PINX1: variants seen among roughly 807,000 people sequenced by gnomAD.
PINX1 encodes the protein PIN2 (TERF1) interacting telomerase inhibitor 1.
A neutral mutation model predicts 25.4 loss-of-function variants in PINX1; 34 were observed. That is an observed-to-expected ratio of 1.34 (90% CI 1.02 to 1.78). The LOEUF (loss-of-function observed/expected upper bound fraction) is 1.78. Among genes scored for constraint, PINX1 ranks in the 40% most tolerant of loss-of-function variants. PINX1 has a pLI of 0.00. For missense variants in PINX1, 592 were observed against 404.9 expected, an observed-to-expected ratio of 1.46 and a Z score of -3.97; for synonymous variants, 197 against 147.7, an observed-to-expected ratio of 1.33 and a Z score of -2.42.
intron 6 of PINX1, 37 bp downstream of exon 6, chr8:10,820,156 T>G (rs1269272817): frequency 7.7e-7 from 1 of 1,298,680 alleles, no homozygotes. Flanking sequence ...TCAGACAGTA[T>G]TAAAGCGGAA....
chr8:10,820,381 C>A, intron 5 of PINX1, 112 bp from the exon 6 acceptor site: 1 of 749,944 alleles, frequency 1.3e-6, no homozygotes, highest in Admixed American at 2.0e-5. Context: ...AAGAAAGAAA[C>A]AATTTTGAAA....
chr8:10,804,751 G>A (rs12545088), intron 6 of PINX1, among the ~76,000 whole-genome samples: 34,243 of 148,098 alleles, frequency 0.23, 4,015 homozygotes, highest in East Asian at 0.33. Flanking sequence ...AATGTCAAAA[G>A]AAAAAAAAAG....
At chr8:10,786,369 C>A (rs1288125388) in intron 6 of PINX1, among the ~76,000 whole-genome samples, 3 of 152,190 alleles carry the variant, frequency 2.0e-5, no homozygotes, top group African/African-American at 7.2e-5. Context: ...GCGTGGCTGT[C>A]TTGGTAAACA....
At chr8:10,797,136 A>G (rs1802109244) in intron 6 of PINX1, among the ~76,000 whole-genome samples, 1 of 152,034 alleles carries the variant, frequency 6.6e-6, no homozygotes, top group Non-Finnish European at 1.5e-5. Flanking sequence ...CCGTGGAGGG[A>G]GAAGGGCCTG....
At chr8:10,804,177 G>A (rs572321786) in intron 6 of PINX1, among the ~76,000 whole-genome samples, 4 of 152,308 alleles carry the variant, frequency 2.6e-5, no homozygotes, top group Admixed American at 6.5e-5. Flanking sequence ...TCAGACCAAC[G>A]CAGAGCGCAG....
At chr8:10,774,018 T>C (rs1339983768) in intron 6 of PINX1, among the ~76,000 whole-genome samples, 8 of 152,196 alleles carry the variant, frequency 5.3e-5, no homozygotes, top group African/African-American at 1.9e-4. Flanking sequence ...CATTTTATAA[T>C]TCCAGGTCAA....
intron 6 of PINX1, among the ~76,000 whole-genome samples, chr8:10,810,940 T>C (rs1312560380): frequency 6.6e-6 from 1 of 152,352 alleles, no homozygotes; most frequent in Non-Finnish European, 1.5e-5. Context: ...TATTAAATAT[T>C]GTGACTACGC....
intron 5 of PINX1, among the ~76,000 whole-genome samples, chr8:10,823,763 G>A (rs114540864): frequency 6.6e-6 from 1 of 152,204 alleles, no homozygotes; most frequent in African/African-American, 2.4e-5. Context: ...AGAAGGTCAA[G>A]TCTGCAGTGA....
chr8:10,830,407 G>C (rs1293539558), intron 4 of PINX1, among the ~76,000 whole-genome samples: 1 of 152,146 alleles, frequency 6.6e-6, no homozygotes, highest in Non-Finnish European at 1.5e-5. Flanking sequence ...AGCATATTCT[G>C]CTAGCTACCT....
chr8:10,813,904 TGA>T (rs1427031788), intron 6 of PINX1, among the ~76,000 whole-genome samples: 3 of 138,380 alleles, frequency 2.2e-5, no homozygotes, highest in Non-Finnish European at 3.2e-5. Flanking sequence ...GGGAAAAAAA[TGA>T]GAGAGGAAAA....
chr8:10,771,216 C>G (rs1383882070), intron 6 of PINX1: 1 of 152,210 alleles, frequency 6.6e-6, no homozygotes, highest in African/African-American at 2.4e-5. Context: ...CTGTGTGTGA[C>G]TCCTCAAAAC....
At chr8:10,810,384 T>C (rs1418843483) in intron 6 of PINX1, among the ~76,000 whole-genome samples, 1 of 152,180 alleles carries the variant, frequency 6.6e-6, no homozygotes, top group African/African-American at 2.4e-5. Flanking sequence ...TTTTGATGCC[T>C]TGTCCAGCCA....
intron 6 of PINX1, among the ~76,000 whole-genome samples, chr8:10,772,143 TG>T (rs2129071336): frequency 6.6e-6 from 1 of 152,370 alleles, no homozygotes; most frequent in African/African-American, 2.4e-5. Flanking sequence ...GAACTGTTCT[TG>T]GTAAAGAGAA....
intron 6 of PINX1, among the ~76,000 whole-genome samples, chr8:10,774,106 A>G (rs1801313723): frequency 6.6e-6 from 1 of 152,228 alleles, no homozygotes; most frequent in African/African-American, 2.4e-5. Context: ...GGCCTCTCAC[A>G]GAACAGAGCA....
intron 4 of PINX1, among the ~76,000 whole-genome samples, chr8:10,830,575 G>C (rs1291953833): frequency 6.6e-6 from 1 of 152,102 alleles, no homozygotes; most frequent in African/African-American, 2.4e-5. Context: ...ATTCACACAT[G>C]ACACACAAGG....
At position 10,784,982 on chromosome 8, in the gene PINX1, G is replaced by A. The variant is rs139825839; in HGVS notation, c.472-19066C>T. ...TAGAGGCTCAGGTGGCTTCAGAAAAGAATTAACAGAACCTTCAGAAACAGA... is the reference window on the plus strand; with the variant it reads ...TAGAGGCTCAGGTGGCTTCAGAAAAAAATTAACAGAACCTTCAGAAACAGA... On this transcript the variant is annotated intron_variant, in intron 6 of 6. Coordinates refer to ENST00000314787, the MANE Select transcript of PINX1 (RefSeq NM_017884.6). Among the ~76,000 whole-genome samples, 356 of 152,276 alleles carry A rather than the reference G, an allele frequency of 2.3e-3. 1 individual carries two copies. The highest frequency in any genetic ancestry group is 8.3e-3 in the African/African-American group (345 of 41,554).
At chr8:10,808,508 T>C (rs1308679430) in intron 6 of PINX1, among the ~76,000 whole-genome samples, 1 of 152,238 alleles carries the variant, frequency 6.6e-6, no homozygotes, top group Non-Finnish European at 1.5e-5. Flanking sequence ...ATTGTTCAAA[T>C]GCTTAATGTG....
intron 6 of PINX1, among the ~76,000 whole-genome samples, chr8:10,780,616 CA>C (rs568002873): frequency 6.8e-4 from 92 of 136,112 alleles, no homozygotes; most frequent in Admixed American, 9.5e-4. Flanking sequence ...ATGGTACCAT[CA>C]AAAAAAAAAA....
intron 5 of PINX1, among the ~76,000 whole-genome samples, chr8:10,825,220 C>G (rs1479651117): frequency 6.6e-6 from 1 of 152,202 alleles, no homozygotes; most frequent in Non-Finnish European, 1.5e-5. Flanking sequence ...CCACTGCTAT[C>G]CAGGCTGGCT....
Sources: allele counts gnomAD v4.1 joint callset (sites outside exome capture counted in the v4.1 genomes callset), GRCh38; gene constraint gnomAD v4.1.1; transcripts MANE v1.5; gene names NCBI Gene and HGNC (gene_info 2026-07-23, HGNC 2026-07-21).